The following NEGR1 variants were observed in gnomAD, a reference collection of about 807,000 sequenced individuals.
NEGR1 encodes IgLON family member 4.
NEGR1 carries 10 observed loss-of-function variants against 40.9 expected under a neutral mutation model. The ratio of observed to expected loss-of-function variants is 0.24; its 90% CI spans 0.15 to 0.42. The LOEUF is 0.42. Ranked by LOEUF, NEGR1 falls within the 10% of genes least tolerant of loss-of-function variation. The probability of loss-of-function intolerance (pLI) is 1.00; values close to 1 mark genes in which losing one functional copy is unlikely to be tolerated. For synonymous variants in NEGR1, 185 were observed against 166.8 expected, an observed-to-expected ratio of 1.11 and a Z score of -0.84; for missense variants, 352 against 438.9, an observed-to-expected ratio of 0.80 and a Z score of 1.77.
chr1:71,786,116 C>T (rs1006188373), intron 2 of NEGR1, among the ~76,000 whole-genome samples: 2 of 151,688 alleles, frequency 1.3e-5, no homozygotes, highest in South Asian at 4.2e-4. Flanking sequence ...TAGACAAATA[C>T]ATAAACATTA....
At chr1:71,528,408 C>T (rs542283966) in intron 6 of NEGR1, among the ~76,000 whole-genome samples, 25 of 151,376 alleles carry the variant, frequency 1.7e-4, no homozygotes, top group Admixed American at 8.6e-4. Flanking sequence ...ATAACCTATG[C>T]TCCTAGTACT....
chr1:72,028,091 C>T (rs1001584966), intron 1 of NEGR1, among the ~76,000 whole-genome samples: 5 of 152,212 alleles, frequency 3.3e-5, no homozygotes, highest in Non-Finnish European at 7.3e-5. Flanking sequence ...CTTCCCAAAT[C>T]CGCCCAGTTA....
chr1:72,174,516 T>G (rs1652092234), intron 1 of NEGR1, among the ~76,000 whole-genome samples: 1 of 152,182 alleles, frequency 6.6e-6, no homozygotes, highest in Admixed American at 6.5e-5. Context: ...CAACTCTGAG[T>G]AAACATTGAT....
At chr1:72,109,152 C>T (rs902624100) in intron 1 of NEGR1, among the ~76,000 whole-genome samples, 1 of 151,470 alleles carries the variant, frequency 6.6e-6, no homozygotes, top group Non-Finnish European at 1.5e-5. Context: ...CTCAATATGA[C>T]AGTAGCAAGC....
At chr1:71,862,464 T>C (rs1659978533) in intron 2 of NEGR1, among the ~76,000 whole-genome samples, 1 of 152,074 alleles carries the variant, frequency 6.6e-6, no homozygotes, top group African/African-American at 2.4e-5. Context: ...TCTGGACTAT[T>C]AGATATTACA....
At chr1:72,248,746 C>T (rs1654991332) in intron 1 of NEGR1, among the ~76,000 whole-genome samples, 1 of 151,094 alleles carries the variant, frequency 6.6e-6, no homozygotes, top group Admixed American at 6.6e-5. Context: ...ACACACCTGG[C>T]TAATTTTTCT....
chr1:71,948,571 T>G (rs953935881), intron 1 of NEGR1, among the ~76,000 whole-genome samples: 1 of 151,892 alleles, frequency 6.6e-6, no homozygotes, highest in Non-Finnish European at 1.5e-5. Context: ...GTATTTATTA[T>G]TACATGTATA....
chr1:72,202,791 G>A (rs1337247961), intron 1 of NEGR1, among the ~76,000 whole-genome samples: 2 of 151,954 alleles, frequency 1.3e-5, no homozygotes, highest in African/African-American at 4.8e-5. Flanking sequence ...TAATGCAGCT[G>A]GTGACATTAA....
chr1:72,232,368 A>C (rs1654395608), intron 1 of NEGR1, among the ~76,000 whole-genome samples: 1 of 146,032 alleles, frequency 6.8e-6, no homozygotes, highest in Non-Finnish European at 1.5e-5. Flanking sequence ...AAAAAAAAGC[A>C]GCAGCAGCTT....
rs189488771 is a variant in NEGR1, at chr1:71,689,079, C to T, written c.667+8929G>A. Among the ~76,000 whole-genome samples, 21 of 152,214 alleles carry T rather than the reference C, an allele frequency of 1.4e-4. No homozygotes were observed. The East Asian group carries it at 2.1e-3, about 15-fold the overall frequency. ...CTCCTTTAAGGTTCTCTGAAATTTA[C>T]GTCTTTATTACTGTACTTATTCTTC... On this transcript the variant is annotated intron_variant, in intron 4 of 6. Coordinates refer to ENST00000357731, the MANE Select transcript of NEGR1 (RefSeq NM_173808.3).
At chr1:72,010,404 A>C (rs1413272322) in intron 1 of NEGR1, among the ~76,000 whole-genome samples, 3 of 152,154 alleles carry the variant, frequency 2.0e-5, no homozygotes, top group Non-Finnish European at 2.9e-5. Context: ...TCCAATTTCA[A>C]AATGTCTATT....
At chr1:71,966,574 T>C (rs1646211404) in intron 1 of NEGR1, among the ~76,000 whole-genome samples, 1 of 152,136 alleles carries the variant, frequency 6.6e-6, no homozygotes, top group South Asian at 2.1e-4. Context: ...GTTTTCTAAG[T>C]GTTTTTTGCA....
intron 6 of NEGR1, among the ~76,000 whole-genome samples, chr1:71,547,013 A>G (rs1647921203): frequency 1.3e-5 from 2 of 151,708 alleles, no homozygotes; most frequent in Admixed American, 1.3e-4. Context: ...AGTTGGTTTG[A>G]TACTCTAATC....
At chr1:71,994,477 G>A (rs1333084747) in intron 1 of NEGR1, among the ~76,000 whole-genome samples, 3 of 151,328 alleles carry the variant, frequency 2.0e-5, no homozygotes, top group Admixed American at 6.6e-5. Context: ...GCAGTGAGCC[G>A]AGATGGCACT....
At chr1:71,708,745 C>A (rs1462463025) in intron 3 of NEGR1, among the ~76,000 whole-genome samples, 1 of 152,104 alleles carries the variant, frequency 6.6e-6, no homozygotes, top group Non-Finnish European at 1.5e-5. Flanking sequence ...TCCTGATGCT[C>A]CCCCTCCCCA....
At chr1:71,433,734 G>A (rs1004590815) in intron 6 of NEGR1, among the ~76,000 whole-genome samples, 1 of 152,182 alleles carries the variant, frequency 6.6e-6, no homozygotes, top group African/African-American at 2.4e-5. Context: ...AATTATGGGA[G>A]TACAATTCAA....
chr1:71,973,290 T>C (rs1646273689), intron 1 of NEGR1, among the ~76,000 whole-genome samples: 1 of 142,922 alleles, frequency 7.0e-6, no homozygotes, highest in African/African-American at 2.6e-5. Context: ...CACTCCAGCC[T>C]GGGCGACAGA....
intron 3 of NEGR1, among the ~76,000 whole-genome samples, chr1:71,701,116 A>C (rs1015768707): frequency 6.6e-6 from 1 of 152,056 alleles, no homozygotes; most frequent in Admixed American, 6.6e-5. Flanking sequence ...AGCTTCTGAC[A>C]TACAGAATTG....
intron 2 of NEGR1, among the ~76,000 whole-genome samples, chr1:71,881,560 T>C (rs1323582416): frequency 6.6e-6 from 1 of 152,148 alleles, no homozygotes; most frequent in Admixed American, 6.5e-5. Flanking sequence ...AAAATTTATA[T>C]GTAAACCATT....
Sources: gnomAD v4.1 joint callset for allele counts (sites outside exome capture counted in the v4.1 genomes callset) on GRCh38, gnomAD v4.1.1 for gene constraint, MANE v1.5 for transcripts, NCBI Gene and HGNC (gene_info 2026-07-23, HGNC 2026-07-21) for gene names.